PDE11A: variants seen among roughly 807,000 people sequenced by gnomAD.
PDE11A encodes the protein phosphodiesterase 11A, also known as dual 3',5'-cyclic-AMP and -GMP phosphodiesterase 11A.
In PDE11A, 100 loss-of-function variants were observed where a neutral mutation model predicts 100.5. That is an observed-to-expected ratio of 1.00 (90% CI 0.85 to 1.18). The LOEUF (loss-of-function observed/expected upper bound fraction) is 1.18. Ranked by LOEUF, PDE11A falls within the 50% of genes most tolerant of loss-of-function variation. The probability of loss-of-function intolerance (pLI) is 0.00; values close to 1 mark genes in which losing one functional copy is unlikely to be tolerated. For synonymous variants in PDE11A, 381 were observed against 420.8 expected (o/e 0.91, Z 1.16); for missense variants, 1,141 against 1,152.6 (o/e 0.99, Z 0.15).
At chr2:177,849,939 T>A (rs1003844532) in intron 5 of PDE11A, among the ~76,000 whole-genome samples, 1 of 152,076 alleles carries the variant, frequency 6.6e-6, no homozygotes, top group African/African-American at 2.4e-5. Flanking sequence ...GAATCAATAT[T>A]GTGAAAATGG....
intron 2 of PDE11A, among the ~76,000 whole-genome samples, chr2:178,080,518 G>C (rs1278269256): frequency 6.6e-6 from 1 of 151,946 alleles, no homozygotes; most frequent in Non-Finnish European, 1.5e-5. Context: ...TCCAACAACA[G>C]ATTTTAATTT....
At chr2:177,771,814 C>A (rs1234227563) in intron 9 of PDE11A, among the ~76,000 whole-genome samples, 1 of 151,876 alleles carries the variant, frequency 6.6e-6, no homozygotes, top group Non-Finnish European at 1.5e-5. Context: ...ACCAGCCTGG[C>A]CAACATGATG....
At chr2:177,863,336 A>G (rs1272868179) in intron 5 of PDE11A, among the ~76,000 whole-genome samples, 3 of 151,940 alleles carry the variant, frequency 2.0e-5, no homozygotes, top group Admixed American at 2.0e-4. Flanking sequence ...AAATGGGACT[A>G]CATCAAATGA....
chr2:177,744,176 G>T (rs2081914266), intron 10 of PDE11A, among the ~76,000 whole-genome samples: 1 of 152,142 alleles, frequency 6.6e-6, no homozygotes, highest in African/African-American at 2.4e-5. Context: ...GGTATTGGGG[G>T]AAGGGAATAA....
chr2:178,034,307 C>T (rs558066029), intron 1 of PDE11A, among the ~76,000 whole-genome samples: 173 of 150,506 alleles, frequency 1.1e-3, no homozygotes, highest in Non-Finnish European at 1.9e-3. Context: ...AAGGGATCAA[C>T]GCAACAAGAA....
Position 177,847,688 on chromosome 2 carries a change from G to A in PDE11A, c.1368-7305C>T, listed in dbSNP as rs140568180. On this transcript the variant is annotated intron_variant, in intron 5 of 19. Coordinates refer to ENST00000286063, the MANE Select transcript of PDE11A (RefSeq NM_016953.4). Reference sequence around the variant, plus strand: ...GAAATCACTTGAGGGAGCCTGACCCGTAGCTCCCAGACTGCCAAAGCTTCA... The same window carrying A: ...GAAATCACTTGAGGGAGCCTGACCCATAGCTCCCAGACTGCCAAAGCTTCA... Among the ~76,000 whole-genome samples, 268 of 152,270 alleles carry A rather than the reference G, an allele frequency of 1.8e-3. 1 individual carries two copies. The highest frequency in any genetic ancestry group is 2.4e-3 in the Non-Finnish European group (166 of 68,018).
intron 2 of PDE11A, among the ~76,000 whole-genome samples, chr2:178,088,661 G>C (rs146643969): frequency 6.6e-6 from 1 of 152,306 alleles, no homozygotes; most frequent in East Asian, 1.9e-4. Flanking sequence ...TATGCTAAAA[G>C]TGATCAGTGT....
chr2:177,871,921 G>A (rs2084143480), intron 5 of PDE11A, among the ~76,000 whole-genome samples: 1 of 152,134 alleles, frequency 6.6e-6, no homozygotes, highest in South Asian at 2.1e-4. Flanking sequence ...CAAGGGACTA[G>A]GGTTCTTATG....
At chr2:177,867,046 T>C (rs934027100) in intron 5 of PDE11A, among the ~76,000 whole-genome samples, 2 of 152,236 alleles carry the variant, frequency 1.3e-5, no homozygotes, top group African/African-American at 4.8e-5. Flanking sequence ...ATAGTAAAGG[T>C]AAGTATAGTT....
intron 10 of PDE11A, among the ~76,000 whole-genome samples, chr2:177,742,292 G>A (rs781241349): frequency 2.0e-5 from 3 of 151,924 alleles, no homozygotes; most frequent in African/African-American, 7.3e-5. Context: ...TTCCCTTCTC[G>A]GGGAGCCCTA....
At chr2:178,097,311 G>A (rs2087506804) in intron 2 of PDE11A, among the ~76,000 whole-genome samples, 1 of 152,190 alleles carries the variant, frequency 6.6e-6, no homozygotes, top group Non-Finnish European at 1.5e-5. Flanking sequence ...AAAGGAAAGA[G>A]GTTTAATTGA....
intron 2 of PDE11A, among the ~76,000 whole-genome samples, chr2:177,959,793 T>C (rs1486127131): frequency 1.3e-5 from 2 of 152,160 alleles, no homozygotes; most frequent in Non-Finnish European, 2.9e-5. Context: ...AGCAAGGAGT[T>C]ACAGGTTTAT....
chr2:177,710,643 G>C (rs2081346819), intron 13 of PDE11A, among the ~76,000 whole-genome samples: 1 of 152,104 alleles, frequency 6.6e-6, no homozygotes, highest in Non-Finnish European at 1.5e-5. Context: ...ACAGAGACTT[G>C]GTCAGGAAAT....
intron 19 of PDE11A, among the ~76,000 whole-genome samples, chr2:177,634,386 C>CCTT (rs1553529806): frequency 3.4e-5 from 2 of 59,384 alleles, no homozygotes; most frequent in African/African-American, 1.1e-4. Context: ...CTTTTTCTCT[C>CCTT]TCTCTTTTTT....
chr2:178,072,943 A>G, upstream of PDE11A: 2 of 985,406 alleles, frequency 2.0e-6, no homozygotes, highest in Non-Finnish European at 2.4e-6. Context: ...GGACGGCCGG[A>G]ATCGGCGCCT....
chr2:177,883,404 C>A (rs976467628), intron 4 of PDE11A, among the ~76,000 whole-genome samples: 1 of 152,194 alleles, frequency 6.6e-6, no homozygotes, highest in Admixed American at 6.5e-5. Flanking sequence ...GTGCACCAAG[C>A]ACTGCTATAG....
intron 2 of PDE11A, among the ~76,000 whole-genome samples, chr2:177,919,499 T>C (rs1353862736): frequency 1.3e-5 from 2 of 152,154 alleles, no homozygotes; most frequent in Non-Finnish European, 2.9e-5. Context: ...AATAAACTGA[T>C]TGTTCAATGT....
At chr2:177,845,024 A>G (rs928202022) in intron 5 of PDE11A, among the ~76,000 whole-genome samples, 3 of 151,564 alleles carry the variant, frequency 2.0e-5, no homozygotes, top group Non-Finnish European at 2.9e-5. Flanking sequence ...CGCCATTGTC[A>G]TCCTGGCCCG....
chr2:177,997,912 AATACCTCCAACTGTATG>A (rs2086097291), intron 2 of PDE11A: 1 of 1,335,700 alleles, frequency 7.5e-7, no homozygotes, highest in Non-Finnish European at 1.1e-6. Context: ...CAACAATTTC[AATACCTCCAACTGTATG>A]TCAAGACCTT....
Sources: gnomAD v4.1 joint callset for allele counts (sites outside exome capture counted in the v4.1 genomes callset) on GRCh38, gnomAD v4.1.1 for gene constraint, MANE v1.5 for transcripts, NCBI Gene and HGNC (gene_info 2026-07-23, HGNC 2026-07-21) for gene names.